WASHC2A: variants seen among roughly 807,000 people sequenced by gnomAD.
The protein encoded by WASHC2A is WASH complex subunit FAM21A.
WASHC2A carries 82 observed loss-of-function variants against 140.3 expected under a neutral mutation model. That is an observed-to-expected ratio of 0.58 (90% CI 0.49 to 0.70). The LOEUF (loss-of-function observed/expected upper bound fraction) is 0.70. Among genes scored for constraint, WASHC2A ranks in the 30% least tolerant of loss-of-function variants. The pLI, the probability that WASHC2A is intolerant of heterozygous loss-of-function variation, is 0.00. For missense variants in WASHC2A, 985 were observed against 1,521.8 expected, an observed-to-expected ratio of 0.65 and a Z score of 5.87; for synonymous variants, 340 against 560.8, an observed-to-expected ratio of 0.61 and a Z score of 5.56.
At chr10:50,129,308 T>C (rs1399342168) in intron 28 of WASHC2A, 111 bp from the exon 29 acceptor site, 2 of 1,579,384 alleles carry the variant, frequency 1.3e-6, no homozygotes, top group Non-Finnish European at 1.7e-6. Flanking sequence ...ATATCTTCAT[T>C]GAAGTAGACC....
intron 14 of WASHC2A, among the ~76,000 whole-genome samples, 162 bp from the exon 15 acceptor site, chr10:50,095,437 G>A (rs1157709418): frequency 6.6e-6 from 1 of 152,144 alleles, no homozygotes; most frequent in Non-Finnish European, 1.5e-5. Flanking sequence ...TCTCCGTTGT[G>A]AGATGTTCTG....
At chr10:50,076,632 TTCCCTCTCTAGGTAAAA>T (rs1245225770) in intron 3 of WASHC2A, among the ~76,000 whole-genome samples, 2 of 152,166 alleles carry the variant, frequency 1.3e-5, no homozygotes, top group African/African-American at 2.4e-5. Flanking sequence ...GATTTATTTA[TTCCCTCTCTAGGTAAAA>T]TCCCTCTCTA....
At chr10:50,109,512 G>A (rs1842082530) in intron 19 of WASHC2A, among the ~76,000 whole-genome samples, 1 of 152,016 alleles carries the variant, frequency 6.6e-6, no homozygotes, top group Non-Finnish European at 1.5e-5. Flanking sequence ...CCCTGAAATA[G>A]ACAAGTCGCT....
At chr10:50,097,578 A>T (rs1229896613) in intron 15 of WASHC2A, 97 bp from the exon 16 acceptor site, 4 of 876,364 alleles carry the variant, frequency 4.6e-6, no homozygotes, top group African/African-American at 1.7e-5. Flanking sequence ...ATAACTTTTT[A>T]TGTTTATTCT....
chr10:50,131,054 A>G lies in WASHC2A; in HGVS notation c.3862A>G (p.Lys1288Glu). Residue 1288 changes from lysine to glutamate, a missense_variant, in exon 30 of 31, where the codon AAG becomes GAG. Lys to Glu is a moderately conservative substitution (Grantham distance 56). Coordinates refer to ENST00000282633, the MANE Select transcript of WASHC2A (RefSeq NM_001005751.3). ...KEKSKKKVEA[K>E]SIFDDDMDDI... is the part of the protein sequence containing the mutation. ...AAAGTCCAAAAAGAAAGTGGAAGCC[A>G]AGTCTATATTTGATGATGATATGGG... 1 of 1,611,708 alleles carries G rather than the reference A, an allele frequency of 6.2e-7. No individual in the cohort carries two copies. The highest frequency in any genetic ancestry group is 8.5e-7 in the Non-Finnish European group (1 of 1,179,744).
At chr10:50,087,871 C>T (rs1192742145) in intron 8 of WASHC2A, among the ~76,000 whole-genome samples, 15 of 150,592 alleles carry the variant, frequency 1.0e-4, no homozygotes, top group Non-Finnish European at 1.6e-4. Flanking sequence ...GCTGGAGTGC[C>T]GTGGCATGAT....
chr10:50,087,642 T>A (rs1236670217), intron 8 of WASHC2A, among the ~76,000 whole-genome samples: 1 of 152,036 alleles, frequency 6.6e-6, no homozygotes, highest in African/African-American at 2.4e-5. Flanking sequence ...GTTTTAAAAT[T>A]GGAGACAATC....
chr10:50,103,470 G>T (rs1177473293), intron 17 of WASHC2A, among the ~76,000 whole-genome samples: 48 of 152,276 alleles, frequency 3.2e-4, no homozygotes, highest in African/African-American at 1.1e-3. Flanking sequence ...AGAGGCAGGA[G>T]AATGGCGTGA....
At chr10:50,106,608 C>T (rs1292358627) in intron 19 of WASHC2A, 143 bp downstream of exon 19, 12 of 1,397,804 alleles carry the variant, frequency 8.6e-6, no homozygotes, top group South Asian at 8.3e-5. Context: ...TCTTTTCTGA[C>T]GGAAGACATT....
intron 16 of WASHC2A, among the ~76,000 whole-genome samples, chr10:50,099,285 T>A (rs1476726207): frequency 1.6e-5 from 2 of 124,696 alleles, no homozygotes; most frequent in African/African-American, 5.4e-5. Context: ...TTTTTTTTTT[T>A]ATGAGACAGG....
chr10:50,101,235 C>T (rs1841127082), intron 17 of WASHC2A, among the ~76,000 whole-genome samples: 1 of 152,312 alleles, frequency 6.6e-6, no homozygotes, highest in Non-Finnish European at 1.5e-5. Context: ...CCTCCACCGT[C>T]TTATGCTCAT....
Position 50,132,789 on chromosome 10 carries a change from CT to C in WASHC2A, c.3887-11del. ...CCACCCCTCTTCAGCAACCGTTCTT[CT>C]TTTTTCTTTCTAAAGATGACATCTT... On this transcript the variant is annotated splice_polypyrimidine_tract_variant and intron_variant, in intron 30 of 30. Transcript: ENST00000282633. 1.9e-6 allele frequency: 3 copies of C among 1,612,056 alleles called. No individual in the cohort carries two copies. The highest frequency in any genetic ancestry group is 2.5e-6 in the Non-Finnish European group (3 of 1,179,864).
chr10:50,078,541 A>C (rs1410099444), intron 3 of WASHC2A, 134 bp from the exon 4 acceptor site: 18 of 1,592,412 alleles, frequency 1.1e-5, no homozygotes, highest in Non-Finnish European at 1.4e-5. Context: ...CCCACCTGGT[A>C]GTGGTCTCAG....
chr10:50,076,840 G>A (rs1221968902), intron 3 of WASHC2A, among the ~76,000 whole-genome samples: 7 of 150,606 alleles, frequency 4.6e-5, no homozygotes, highest in African/African-American at 1.2e-4. Context: ...AATGCAGGCC[G>A]GGCATGGTGG....
At chr10:50,125,549 G>A (rs1843353425) in intron 25 of WASHC2A, 100 bp downstream of exon 25, 9 of 1,608,230 alleles carry the variant, frequency 5.6e-6, no homozygotes, top group Admixed American at 3.3e-5. Context: ...TAGGAGAGTC[G>A]TGCTGCTTCC....
Position 50,130,950 on chromosome 10 carries a change from A to C in WASHC2A, c.3758A>C (p.Glu1253Ala). The change falls in exon 30 of 31, where the codon GAG becomes GCG. Residue 1253 changes from glutamate (E) to alanine (A), a missense_variant. By Grantham distance (107) the Glu-to-Ala change is moderately radical. Coordinates refer to ENST00000282633, the MANE Select transcript of WASHC2A (RefSeq NM_001005751.3). ...ATTAAACCCTCTCAGAAAACCAGAG[A>C]GAAGGAGAAAACATTGGAATCTAAT... ...EAIKPSQKTR[E>A]KEKTLESNLF... 2 of 1,610,488 alleles carry C rather than the reference A, an allele frequency of 1.2e-6. No homozygotes were observed. The highest frequency in any genetic ancestry group is 1.7e-6 in the Non-Finnish European group (2 of 1,179,322).
At chr10:50,079,915 A>G (rs1210226082) in intron 4 of WASHC2A, among the ~76,000 whole-genome samples, 2 of 151,936 alleles carry the variant, frequency 1.3e-5, no homozygotes, top group African/African-American at 2.4e-5. Flanking sequence ...ATACACAACC[A>G]AGACAAAAAA....
At chr10:50,109,743 A>T (rs1331131388) in intron 19 of WASHC2A, among the ~76,000 whole-genome samples, 1 of 152,176 alleles carries the variant, frequency 6.6e-6, no homozygotes, top group African/African-American at 2.4e-5. Context: ...TTTACTCCCC[A>T]TGTTTTATAA....
At chr10:50,126,945 G>A (rs1203440259) in intron 26 of WASHC2A, among the ~76,000 whole-genome samples, 3 of 152,108 alleles carry the variant, frequency 2.0e-5, no homozygotes, top group African/African-American at 7.2e-5. Flanking sequence ...CTCCATATCT[G>A]ATCTGGCAGC....
Sources: allele counts gnomAD v4.1 joint callset (sites outside exome capture counted in the v4.1 genomes callset), GRCh38; gene constraint gnomAD v4.1.1; transcripts MANE v1.5; gene names NCBI Gene and HGNC (gene_info 2026-07-23, HGNC 2026-07-21).